ZMYND12: variants seen among roughly 807,000 people sequenced by gnomAD.
The protein encoded by ZMYND12 is zinc finger MYND-type containing 12.
Under a neutral mutation model 41.7 loss-of-function variants are expected in ZMYND12, and 32 were observed. That is an observed-to-expected ratio of 0.77 (90% CI 0.58 to 1.03). The LOEUF is 1.03. Ranked by LOEUF, ZMYND12 falls within the 50% of genes least tolerant of loss-of-function variation. The pLI is 0.00. For synonymous variants in ZMYND12, 148 were observed against 164.8 expected, an observed-to-expected ratio of 0.90 and a Z score of 0.78; for missense variants, 424 against 438.5, an observed-to-expected ratio of 0.97 and a Z score of 0.30.
rs1017013893 is a variant in ZMYND12, at chr1:42,448,618, G to C, written c.273C>G (p.Cys91Trp). 6.2e-7 allele frequency: 1 copy of C among 1,611,202 alleles called. No individual in the cohort carries two copies. The highest frequency in any genetic ancestry group is 8.5e-7 in the Non-Finnish European group (1 of 1,178,638). Reference sequence around the variant, plus strand: ...AGAGGTATTTCTGGGCTATGGTGTAGCAGAATTCAATCAAATACTTCTGTG... The same window carrying C: ...AGAGGTATTTCTGGGCTATGGTGTACCAGAATTCAATCAAATACTTCTGTG... Reference protein sequence around the residue: ...QQRQKYLIEFCYTIAQKYLFE... With the variant: ...QQRQKYLIEFWYTIAQKYLFE... Residue 91 changes from cysteine (C) to tryptophan (W), a missense_variant, in exon 3 of 8, where the codon TGC (cysteine) becomes TGG (tryptophan). Coordinates refer to ENST00000372565, the MANE Select transcript of ZMYND12 (RefSeq NM_032257.5).
intron 1 of ZMYND12, among the ~76,000 whole-genome samples, chr1:42,451,281 A>C (rs1643080918): frequency 6.6e-6 from 1 of 152,042 alleles, no homozygotes; most frequent in African/African-American, 2.4e-5. Flanking sequence ...TTCAACCATT[A>C]TTATTAAATT....
chr1:42,431,609 T>G (rs74068432), intron 7 of ZMYND12, among the ~76,000 whole-genome samples: 1 of 152,200 alleles, frequency 6.6e-6, no homozygotes, highest in Non-Finnish European at 1.5e-5. Context: ...GATAGATAGA[T>G]GTGTGCCTTT....
At position 42,433,207 on chromosome 1, in the gene ZMYND12, T is replaced by A; in HGVS notation, c.911A>T (p.Gln304Leu). The A allele has an allele frequency of 6.2e-7, 1 of 1,612,754 alleles. No individual in the cohort carries two copies. Among genetic ancestry groups the A allele is most frequent in the Non-Finnish European group, 8.5e-7 (1 of 1,179,468 alleles). The change falls in exon 7 of 8, where the codon CAA (glutamine) becomes CTA (leucine). Residue 304 changes from glutamine to leucine, a missense_variant. Transcript: ENST00000372565. The part of the protein sequence containing the change: ...IRESTSDKAP[Q>L]KTIFVLKILV... ...GATCTTCAGAACAAAGATGGTTTTTTGGGGGGCTTTGTCAGATGTAGATTC... is the reference window on the plus strand; with the variant it reads ...GATCTTCAGAACAAAGATGGTTTTTAGGGGGGCTTTGTCAGATGTAGATTC...
intron 3 of ZMYND12, among the ~76,000 whole-genome samples, chr1:42,444,749 C>T (rs1643004230): frequency 6.6e-6 from 1 of 151,416 alleles, no homozygotes; most frequent in Admixed American, 6.6e-5. Flanking sequence ...TAAATAATCT[C>T]ATCAATGAAT....
intron 3 of ZMYND12, among the ~76,000 whole-genome samples, chr1:42,445,428 G>A (rs1474560140): frequency 9.9e-5 from 13 of 131,824 alleles, no homozygotes; most frequent in South Asian, 2.9e-4. Context: ...TCGGGACTCC[G>A]TCTAAAAAAA....
At chr1:42,455,170 G>A (rs538328132) in intron 1 of ZMYND12, among the ~76,000 whole-genome samples, 4 of 152,172 alleles carry the variant, frequency 2.6e-5, no homozygotes, top group Admixed American at 1.3e-4. Flanking sequence ...TAGCAGTCCC[G>A]GATGCCGGGA....
intron 1 of ZMYND12, 63 bp downstream of exon 1, chr1:42,455,825 A>C: frequency 1.5e-6 from 2 of 1,309,456 alleles, no homozygotes; most frequent in Non-Finnish European, 2.1e-6. Context: ...TACCCAAGCC[A>C]GACCCGGGAA....
At chr1:42,431,323 T>C (rs572810084) in intron 7 of ZMYND12, among the ~76,000 whole-genome samples, 8 of 152,316 alleles carry the variant, frequency 5.3e-5, no homozygotes, top group African/African-American at 1.9e-4. Context: ...GTTACCATGT[T>C]CCAGGTCCTG....
chr1:42,446,918 C>T (rs1287388481), intron 3 of ZMYND12, among the ~76,000 whole-genome samples: 4 of 152,084 alleles, frequency 2.6e-5, no homozygotes, highest in Admixed American at 2.0e-4. Flanking sequence ...CTGGGAGATG[C>T]AGAAGCCAGC....
At chr1:42,448,393 C>T in intron 3 of ZMYND12, 74 bp downstream of exon 3, 2 of 1,423,208 alleles carry the variant, frequency 1.4e-6, no homozygotes, top group South Asian at 1.5e-5. Flanking sequence ...TCAAGGGTGA[C>T]TCTTTGATCA....
At chr1:42,448,763 G>A (rs1643050343) in intron 2 of ZMYND12, 125 bp from the exon 3 acceptor site, 2 of 883,924 alleles carry the variant, frequency 2.3e-6, no homozygotes, top group Non-Finnish European at 3.3e-6. Flanking sequence ...GAGCCTGCCT[G>A]TATTAGAGTG....
chr1:42,433,309 A>G (rs1194276808), intron 6 of ZMYND12, 21 bp from the exon 7 acceptor site: 6 of 1,588,806 alleles, frequency 3.8e-6, no homozygotes, highest in Non-Finnish European at 5.1e-6. Flanking sequence ...AGGGGAAGAA[A>G]GAAAAAACAG....
Position 42,439,877 on chromosome 1 carries a change from G to C in ZMYND12, c.573C>G (p.Ala191=). ...TTACATCATTGGCCAGATGATAACGGGCCTCTTCATAGTTTTTCTTAGCTA... is the reference window on the plus strand; with the variant it reads ...TTACATCATTGGCCAGATGATAACGCGCCTCTTCATAGTTTTTCTTAGCTA... The part of the protein sequence containing the change: ...LYIAKKNYEE[A]RYHLANDIYF... Residue 191 remains alanine (A), a synonymous_variant, in exon 4 of 8, where the codon GCC becomes GCG. Transcript: ENST00000372565. 2.5e-6 allele frequency: 4 copies of C among 1,612,300 alleles called. No individual in the cohort carries two copies. The highest frequency in any genetic ancestry group is 1.7e-6 in the Non-Finnish European group (2 of 1,179,484).
chr1:42,437,890 G>A (rs779050335), intron 4 of ZMYND12, among the ~76,000 whole-genome samples: 1 of 152,198 alleles, frequency 6.6e-6, no homozygotes, highest in Non-Finnish European at 1.5e-5. Flanking sequence ...TAGTCAGGCT[G>A]ATCTAGAACT....
At chr1:42,432,791 TG>T in intron 7 of ZMYND12, 1 of 214,022 alleles carries the variant, frequency 4.7e-6, no homozygotes, top group Non-Finnish European at 9.1e-6. Flanking sequence ...AATGCATTTC[TG>T]CCTGAATCCC....
intron 4 of ZMYND12, 99 bp from the exon 5 acceptor site, chr1:42,436,642 A>G: frequency 7.1e-7 from 1 of 1,402,216 alleles, no homozygotes; most frequent in Non-Finnish European, 9.6e-7. Flanking sequence ...AACTGTTACA[A>G]CATTCCAATT....
chr1:42,454,929 T>C (rs1267196755), intron 1 of ZMYND12, among the ~76,000 whole-genome samples: 1 of 152,186 alleles, frequency 6.6e-6, no homozygotes, highest in Non-Finnish European at 1.5e-5. Context: ...CATGTCCACA[T>C]AAAACACTAA....
rs1360804590 is a variant in ZMYND12, at chr1:42,430,697, A to G, written c.*39T>C. 1.2e-6 allele frequency: 2 copies of G among 1,607,804 alleles called. No individual in the cohort carries two copies. Among genetic ancestry groups the G allele is most frequent in the Non-Finnish European group, 1.7e-6 (2 of 1,174,690 alleles). ...GGCTGGAATATATTAGATCTTCAGT[A>G]GCCCCTGGAATAACCCTTGATGCAG... On this transcript the variant is annotated 3_prime_UTR_variant, in exon 8 of 8. Coordinates refer to ENST00000372565, the MANE Select transcript of ZMYND12 (RefSeq NM_032257.5).
chr1:42,455,808 C>A, intron 1 of ZMYND12, 80 bp downstream of exon 1: 1 of 1,145,800 alleles, frequency 8.7e-7, no homozygotes, highest in Non-Finnish European at 1.2e-6. Context: ...CAACGGCTAA[C>A]GCAAGGTACC....
Sources: allele counts gnomAD v4.1 joint callset (sites outside exome capture counted in the v4.1 genomes callset), GRCh38; gene constraint gnomAD v4.1.1; transcripts MANE v1.5; gene names NCBI Gene and HGNC (gene_info 2026-07-23, HGNC 2026-07-21).